The following ITPR2 variants were observed in gnomAD, a reference collection of about 807,000 sequenced individuals.
The protein encoded by ITPR2 is inositol 1,4,5-trisphosphate-gated calcium channel ITPR2.
ITPR2 carries 207 observed loss-of-function variants against 317.1 expected under a neutral mutation model. That is an observed-to-expected ratio of 0.65 (90% confidence interval 0.58 to 0.73). The LOEUF is 0.73. Among genes scored for constraint, ITPR2 ranks in the 30% least tolerant of loss-of-function variants. The pLI is 0.00. For missense variants in ITPR2, 2,613 were observed against 3,284.0 expected, an observed-to-expected ratio of 0.80 and a Z score of 4.99; for synonymous variants, 1,156 against 1,149.1, an observed-to-expected ratio of 1.01 and a Z score of -0.12.
intron 2 of ITPR2, among the ~76,000 whole-genome samples, chr12:26,763,489 T>C (rs1171895878): frequency 6.6e-6 from 1 of 152,102 alleles, no homozygotes; most frequent in East Asian, 1.9e-4. Flanking sequence ...ATGATAAAAC[T>C]AAAGAAAATA....
At chr12:26,499,366 G>T (rs1192225076) in intron 37 of ITPR2, among the ~76,000 whole-genome samples, 3 of 152,084 alleles carry the variant, frequency 2.0e-5, no homozygotes, top group African/African-American at 4.8e-5. Context: ...AAAAGGCAGG[G>T]GCTTCCTATT....
At chr12:26,610,866 C>A (rs1946247496) in intron 26 of ITPR2, among the ~76,000 whole-genome samples, 1 of 152,150 alleles carries the variant, frequency 6.6e-6, no homozygotes, top group South Asian at 2.1e-4. Flanking sequence ...TGAAGGATAG[C>A]CTTTTCAGGG....
At chr12:26,346,176 T>C (rs1938299838) in intron 55 of ITPR2, among the ~76,000 whole-genome samples, 1 of 152,160 alleles carries the variant, frequency 6.6e-6, no homozygotes, top group Non-Finnish European at 1.5e-5. Flanking sequence ...CCCTGAGAAG[T>C]CCCTTTAGGG....
intron 55 of ITPR2, among the ~76,000 whole-genome samples, chr12:26,366,738 C>T (rs771705000): frequency 3.3e-5 from 5 of 152,070 alleles, no homozygotes; most frequent in African/African-American, 4.8e-5. Flanking sequence ...AGTCACTTCT[C>T]GAAAGGATGC....
chr12:26,466,941 C>A (rs1174427119), intron 45 of ITPR2, among the ~76,000 whole-genome samples: 1 of 152,130 alleles, frequency 6.6e-6, no homozygotes, highest in Admixed American at 6.5e-5. Flanking sequence ...TTACTTAAAA[C>A]CCTTCAAAGA....
intron 55 of ITPR2, among the ~76,000 whole-genome samples, chr12:26,341,856 C>T (rs536365348): frequency 1.2e-4 from 18 of 152,314 alleles, no homozygotes; most frequent in Admixed American, 2.0e-4. Context: ...CTTGTTAAAA[C>T]TGCAGATTCC....
At chr12:26,794,294 T>C (rs1592137428) in intron 1 of ITPR2, among the ~76,000 whole-genome samples, 1 of 152,208 alleles carries the variant, frequency 6.6e-6, no homozygotes, top group Non-Finnish European at 1.5e-5. Context: ...AAGTTACGTT[T>C]ATGCATTAAA....
intron 21 of ITPR2, among the ~76,000 whole-genome samples, chr12:26,641,413 A>G (rs1045234078): frequency 6.6e-6 from 1 of 151,630 alleles, no homozygotes; most frequent in Non-Finnish European, 1.5e-5. Context: ...CAATAAAATA[A>G]TAATAGAAAG....
chr12:26,596,926 T>G lies in ITPR2; in HGVS notation c.4211A>C (p.Asp1404Ala). The change falls in exon 31 of 57, where the codon GAC (aspartate) becomes GCC (alanine). Residue 1404 changes from aspartate to alanine, a missense_variant. Physicochemically the swap from Asp to Ala is moderately radical, Grantham distance 126 (BLOSUM62 -2). This residue lies in a region of ITPR2 where 926 missense variants were observed against 1,072.8 expected (regional missense o/e 0.86). Coordinates refer to ENST00000381340, the MANE Select transcript of ITPR2 (RefSeq NM_002223.4). ...EIKCNSLLPL[D>A]DIVRVVTHDD... is the part of the protein sequence containing the mutation. ...ATGGGTCACCACCCTCACTATGTCG[T>G]CCAGCGGGAGAAGGGAATTACACTT... is the stretch of plus-strand genomic sequence containing the variant. 6.3e-7 allele frequency: 1 copy of G among 1,590,516 alleles called. No homozygotes were observed. Among genetic ancestry groups the G allele is most frequent in the Non-Finnish European group, 8.6e-7 (1 of 1,167,374 alleles).
chr12:26,785,480 C>T (rs1419914757), intron 2 of ITPR2, among the ~76,000 whole-genome samples: 21 of 65,896 alleles, frequency 3.2e-4, no homozygotes, highest in Non-Finnish European at 3.7e-4. Flanking sequence ...AGGTGAGGGG[C>T]GCCTCTGCCC....
intron 54 of ITPR2, among the ~76,000 whole-genome samples, chr12:26,393,670 A>G (rs935361054): frequency 3.3e-5 from 5 of 152,240 alleles, no homozygotes; most frequent in African/African-American, 4.8e-5. Flanking sequence ...CTTAGTTTAA[A>G]TTACTTAAGT....
At chr12:26,463,717 G>C (rs7959100) in intron 45 of ITPR2, among the ~76,000 whole-genome samples, 3,881 of 151,552 alleles carry the variant, frequency 0.026, 165 homozygotes, top group African/African-American at 0.087. Context: ...AACAAATTAA[G>C]TACTCTAAGG....
At chr12:26,353,391 T>C (rs1938541841) in intron 55 of ITPR2, among the ~76,000 whole-genome samples, 2 of 152,194 alleles carry the variant, frequency 1.3e-5, no homozygotes, top group Non-Finnish European at 1.5e-5. Flanking sequence ...CAAATACTAC[T>C]CAGAAAATGC....
At chr12:26,715,486 A>T in intron 7 of ITPR2, 41 bp from the exon 8 acceptor site, 1 of 1,573,008 alleles carries the variant, frequency 6.4e-7, no homozygotes, top group Non-Finnish European at 8.7e-7. Flanking sequence ...AACAGATGTG[A>T]GAAGCAGGTG....
chr12:26,398,447 A>G (rs1245656848), intron 54 of ITPR2, among the ~76,000 whole-genome samples: 1 of 152,178 alleles, frequency 6.6e-6, no homozygotes, highest in African/African-American at 2.4e-5. Context: ...ACAAACAGAG[A>G]GAAGGCTCAG....
At chr12:26,791,392 A>G (rs573143673) in intron 1 of ITPR2, among the ~76,000 whole-genome samples, 1 of 152,146 alleles carries the variant, frequency 6.6e-6, no homozygotes, top group East Asian at 1.9e-4. Context: ...AAAAAGAAGA[A>G]GAGGAAGTAT....
intron 1 of ITPR2, among the ~76,000 whole-genome samples, chr12:26,814,861 A>T (rs1950822697): frequency 2.6e-5 from 4 of 152,220 alleles, no homozygotes; most frequent in Admixed American, 2.6e-4. Context: ...AATCCCAATG[A>T]CTTGTGTAAA....
At chr12:26,533,742 C>T (rs1004368083) in intron 37 of ITPR2, among the ~76,000 whole-genome samples, 11 of 152,102 alleles carry the variant, frequency 7.2e-5, no homozygotes, top group African/African-American at 2.2e-4. Flanking sequence ...AGGAGAAACA[C>T]CTGGGACAGT....
intron 37 of ITPR2, among the ~76,000 whole-genome samples, chr12:26,514,848 A>G (rs1020177123): frequency 6.6e-6 from 1 of 152,250 alleles, no homozygotes; most frequent in Non-Finnish European, 1.5e-5. Context: ...TTTATCAATT[A>G]AAATTTGTAT....
Sources: gnomAD v4.1 joint callset for allele counts (sites outside exome capture counted in the v4.1 genomes callset) on GRCh38, gnomAD v4.1.1 for gene constraint, gnomAD v4.1.1 regional missense constraint, MANE v1.5 for transcripts, NCBI Gene and HGNC (gene_info 2026-07-23, HGNC 2026-07-21) for gene names.